The following LRP1B variants were observed in gnomAD, a reference collection of about 807,000 sequenced individuals.
LRP1B encodes LDL receptor related protein 1B, also known as low-density lipoprotein receptor-related protein 1B.
A neutral mutation model predicts 556.6 loss-of-function variants in LRP1B; 217 were observed. The ratio of observed to expected loss-of-function variants is 0.39; its 90% CI spans 0.35 to 0.44. The LOEUF (loss-of-function observed/expected upper bound fraction) is 0.44. Among genes scored for constraint, LRP1B ranks in the 20% least tolerant of loss-of-function variants. The pLI, the probability that LRP1B is intolerant of heterozygous loss-of-function variation, is 1.00. For missense variants in LRP1B, 5,053 were observed against 5,620.8 expected (o/e 0.90, Z 3.23); for synonymous variants, 2,047 against 1,865.8 (o/e 1.10, Z -2.50).
intron 41 of LRP1B, among the ~76,000 whole-genome samples, chr2:140,692,280 T>C (rs1686273212): frequency 6.6e-6 from 1 of 152,148 alleles, no homozygotes; most frequent in Non-Finnish European, 1.5e-5. Context: ...TGTTGTATTA[T>C]TTGTTTTAAT....
intron 3 of LRP1B, among the ~76,000 whole-genome samples, chr2:141,399,274 C>A (rs1473789603): frequency 2.0e-5 from 3 of 151,914 alleles, no homozygotes; most frequent in African/African-American, 7.3e-5. Flanking sequence ...TAAATAAAGC[C>A]AAATTCCATC....
At chr2:141,847,346 C>T (rs1346743939) in intron 1 of LRP1B, among the ~76,000 whole-genome samples, 1 of 151,442 alleles carries the variant, frequency 6.6e-6, no homozygotes, top group African/African-American at 2.4e-5. Flanking sequence ...GATATGGCTA[C>T]ATACTGTAAA....
In LRP1B at chr2:140,659,098, G is replaced by GTTTTTT. The variant is rs59651364; in HGVS notation, c.6799+41146_6799+41151dup. Among the ~76,000 whole-genome samples, 105 of 61,100 alleles carry GTTTTTT rather than the reference G, an allele frequency of 1.7e-3. 9 individuals are homozygous for GTTTTTT. Among genetic ancestry groups the GTTTTTT allele is most frequent in the East Asian group, 4.7e-3 (6 of 1,288 alleles). 40.1% of individuals were successfully genotyped at this position (61,100 alleles called of 152,430 possible). A position where few individuals can be genotyped will look rare whatever the true frequency, so the allele number is the denominator to read the frequency against. On this transcript the variant is annotated intron_variant, in intron 41 of 90. Transcript: ENST00000389484. The stretch of plus-strand genomic sequence containing the variant: ...TGGGTTGTCCCTAAACTGTAAATCT[G>GTTTTTT]TTTTTTTTTTTTTTTTTTTTTTTTT...
At chr2:141,439,506 A>G (rs1349789857) in intron 3 of LRP1B, among the ~76,000 whole-genome samples, 1 of 151,984 alleles carries the variant, frequency 6.6e-6, no homozygotes, top group Non-Finnish European at 1.5e-5. Context: ...GTAATAACAC[A>G]TAAAACTGCA....
At chr2:141,564,360 T>C (rs544775982) in intron 2 of LRP1B, among the ~76,000 whole-genome samples, 7 of 152,180 alleles carry the variant, frequency 4.6e-5, no homozygotes, top group Non-Finnish European at 1.5e-5. Context: ...TCTGTGAAAA[T>C]AGCAAAGCAG....
chr2:141,528,353 A>G (rs1037794325), intron 2 of LRP1B, among the ~76,000 whole-genome samples: 9 of 151,986 alleles, frequency 5.9e-5, no homozygotes, highest in Non-Finnish European at 1.2e-4. Context: ...GTTACTAAAA[A>G]GCATATCACT....
At chr2:140,659,098 GTT>G (rs59651364) in intron 41 of LRP1B, among the ~76,000 whole-genome samples, 727 of 60,968 alleles carry the variant, frequency 0.012, 2 homozygotes, top group African/African-American at 0.044. Context: ...CTGTAAATCT[GTT>G]TTTTTTTTTT....
At chr2:141,509,698 G>A (rs76444480) in intron 2 of LRP1B, among the ~76,000 whole-genome samples, 4,169 of 152,178 alleles carry the variant, frequency 0.027, 98 homozygotes, top group Non-Finnish European at 0.037. Context: ...AGAAATATAA[G>A]TAACAGGGCT....
chr2:140,813,939 T>A, intron 31 of LRP1B, 133 bp from the exon 32 acceptor site: 3 of 644,540 alleles, frequency 4.7e-6, no homozygotes, highest in Non-Finnish European at 8.0e-6. Context: ...AAGATCTGGC[T>A]AATAGGGAAA....
At chr2:140,777,417 G>C (rs561685547) in intron 32 of LRP1B, among the ~76,000 whole-genome samples, 2 of 152,126 alleles carry the variant, frequency 1.3e-5, no homozygotes, top group Non-Finnish European at 2.9e-5. Context: ...GCATTCATGG[G>C]AATCAAATCC....
rs1224137323 is a variant in LRP1B at position 140,370,741 on chromosome 2, C to T, written c.10977G>A (p.Val3659=). The change falls in exon 71 of 91, where the codon GTG becomes GTA. Residue 3659 remains valine, a synonymous_variant. Coordinates refer to ENST00000389484, the MANE Select transcript of LRP1B (RefSeq NM_018557.3). ...CACAGTTCTCTTCATCACTGCCATC[C>T]ACACAGTCATGAATTCCATCACACA... ...RWLCDGIHDC[V]DGSDEENCER... 6.2e-7 allele frequency: 1 copy of T among 1,612,834 alleles called. No homozygotes were observed. Among genetic ancestry groups the T allele is most frequent in the Non-Finnish European group, 8.5e-7 (1 of 1,179,158 alleles).
chr2:140,748,959 A>AAG (rs1362653211), intron 35 of LRP1B, among the ~76,000 whole-genome samples: 2 of 150,386 alleles, frequency 1.3e-5, no homozygotes, highest in Non-Finnish European at 3.0e-5. Flanking sequence ...TACACAAGCC[A>AAG]AGATGGTATA....
chr2:141,238,306 T>C (rs1176297135), intron 5 of LRP1B, among the ~76,000 whole-genome samples: 3 of 152,150 alleles, frequency 2.0e-5, no homozygotes, highest in Non-Finnish European at 4.4e-5. Context: ...CTCTATGTTA[T>C]AGATTAGTAA....
chr2:141,170,666 G>A (rs1309166144), intron 7 of LRP1B, among the ~76,000 whole-genome samples: 1 of 152,022 alleles, frequency 6.6e-6, no homozygotes, highest in African/African-American at 2.4e-5. Flanking sequence ...TTTAAGGTAT[G>A]CATTCAGGGA....
intron 22 of LRP1B, among the ~76,000 whole-genome samples, chr2:140,903,882 C>T (rs933818751): frequency 6.7e-5 from 10 of 150,362 alleles, no homozygotes; most frequent in East Asian, 5.8e-4. Context: ...CATAGATAAT[C>T]GATTACATAT....
At chr2:142,033,379 T>A (rs767187104) in intron 1 of LRP1B, among the ~76,000 whole-genome samples, 10 of 151,740 alleles carry the variant, frequency 6.6e-5, no homozygotes, top group Non-Finnish European at 1.3e-4. Flanking sequence ...CTGTTGCTCT[T>A]AATTTTCTCG....
intron 3 of LRP1B, among the ~76,000 whole-genome samples, chr2:141,383,575 A>G (rs1439389440): frequency 6.6e-6 from 1 of 152,174 alleles, no homozygotes; most frequent in African/African-American, 2.4e-5. Context: ...TTATGTCAAA[A>G]ATGTATTTAA....
At chr2:140,557,159 C>A (rs1273184049) in intron 43 of LRP1B, among the ~76,000 whole-genome samples, 5 of 152,054 alleles carry the variant, frequency 3.3e-5, no homozygotes, top group Admixed American at 1.3e-4. Context: ...TTAACAATCA[C>A]AATAATTATG....
intron 18 of LRP1B, among the ~76,000 whole-genome samples, chr2:140,965,898 T>C (rs56308770): frequency 0.8 from 121,295 of 151,100 alleles, 49,417 homozygotes; most frequent in Non-Finnish European, 0.87. Context: ...CCTTTTTTTA[T>C]GGCTGCATAG....
Sources: gnomAD v4.1 joint callset for allele counts (sites outside exome capture counted in the v4.1 genomes callset) on GRCh38, gnomAD v4.1.1 for gene constraint, MANE v1.5 for transcripts, NCBI Gene and HGNC (gene_info 2026-07-23, HGNC 2026-07-21) for gene names.